The following SHISA9 variants were observed in gnomAD, a reference collection of about 807,000 sequenced individuals.
SHISA9 encodes protein shisa-9.
SHISA9 carries 13 observed loss-of-function variants against 38.0 expected under a neutral mutation model. That is an observed-to-expected ratio of 0.34 (90% CI 0.22 to 0.54). The LOEUF (loss-of-function observed/expected upper bound fraction) is 0.54. Among genes scored for constraint, SHISA9 ranks in the 20% least tolerant of loss-of-function variants. SHISA9 has a pLI of 0.91. For synonymous variants in SHISA9, 275 were observed against 242.0 expected (o/e 1.14, Z -1.27); for missense variants, 538 against 575.8 (o/e 0.93, Z 0.67).
At chr16:13,176,812 C>T (rs2050735479) in intron 2 of SHISA9, among the ~76,000 whole-genome samples, 1 of 152,134 alleles carries the variant, frequency 6.6e-6, no homozygotes, top group Non-Finnish European at 1.5e-5. Flanking sequence ...AGATAATGGC[C>T]TTGTAGATCT....
chr16:13,472,218 A>G, the SHISA9 span, among the ~76,000 whole-genome samples: 1 of 152,014 alleles, frequency 6.6e-6, no homozygotes, highest in Non-Finnish European at 1.5e-5. Flanking sequence ...ATTTGCTTTC[A>G]CTACAATTTC....
the SHISA9 span, among the ~76,000 whole-genome samples, chr16:13,387,631 A>C: frequency 3.3e-5 from 5 of 152,068 alleles, no homozygotes; most frequent in East Asian, 9.6e-4. Context: ...CTGGGATTAC[A>C]GGCACGTGCC....
At chr16:13,443,659 G>T in the SHISA9 span, among the ~76,000 whole-genome samples, 1 of 152,100 alleles carries the variant, frequency 6.6e-6, no homozygotes. Flanking sequence ...GTTTATAGGG[G>T]CTCATTTTAA....
chr16:13,015,707 C>A (rs992508868), intron 2 of SHISA9, among the ~76,000 whole-genome samples: 4 of 152,096 alleles, frequency 2.6e-5, no homozygotes, highest in African/African-American at 7.2e-5. Context: ...GTAGATACAC[C>A]GGTTCCCTAC....
chr16:13,504,669 C>A, the SHISA9 span, among the ~76,000 whole-genome samples: 2 of 152,180 alleles, frequency 1.3e-5, no homozygotes, highest in African/African-American at 4.8e-5. Context: ...CTGTTCACAA[C>A]AAATGAACCA....
chr16:12,996,060 C>A (rs1365925180), intron 2 of SHISA9, among the ~76,000 whole-genome samples: 1 of 152,164 alleles, frequency 6.6e-6, no homozygotes, highest in Non-Finnish European at 1.5e-5. Flanking sequence ...TTTCTGGATC[C>A]AGGACACAAA....
intron 1 of SHISA9, chr16:12,909,671 C>T: frequency 2.2e-6 from 2 of 919,600 alleles, no homozygotes; most frequent in Non-Finnish European, 2.6e-6. Flanking sequence ...AGAAGCCGTC[C>T]CTGACCAGGC....
intron 2 of SHISA9, 145 bp downstream of exon 2, chr16:12,916,960 A>T: frequency 2.1e-6 from 2 of 943,646 alleles, no homozygotes. Context: ...TTTTGGATGA[A>T]GCTGAATTTA....
chr16:13,358,674 C>T, the SHISA9 span, among the ~76,000 whole-genome samples: 2 of 152,266 alleles, frequency 1.3e-5, no homozygotes, highest in Middle Eastern at 3.4e-3. Context: ...TTCAACCAAC[C>T]AGTGAAAGGC....
chr16:13,430,011 T>C, the SHISA9 span, among the ~76,000 whole-genome samples: 1 of 152,314 alleles, frequency 6.6e-6, no homozygotes, highest in Admixed American at 6.5e-5. Flanking sequence ...ACAACGTGAT[T>C]AATATCCTTG....
intron 4 of SHISA9, among the ~76,000 whole-genome samples, chr16:13,217,171 G>C (rs890157458): frequency 1.2e-4 from 18 of 151,818 alleles, no homozygotes; most frequent in Admixed American, 7.9e-4. Context: ...CCAGCTACTC[G>C]GGAGGCTGAG....
At chr16:13,213,370 A>G in intron 4 of SHISA9, 70 bp downstream of exon 4, 2 of 1,413,132 alleles carry the variant, frequency 1.4e-6, no homozygotes, top group Non-Finnish European at 2.0e-6. Context: ...ATGAAGGGAT[A>G]GAGAGTCCTG....
the SHISA9 span, among the ~76,000 whole-genome samples, chr16:13,305,112 G>A: frequency 6.6e-6 from 1 of 152,082 alleles, no homozygotes; most frequent in Non-Finnish European, 1.5e-5. Context: ...TTGGGGATGG[G>A]GCCTACGTCT....
the SHISA9 span, among the ~76,000 whole-genome samples, chr16:13,560,187 T>G: frequency 6.6e-6 from 1 of 152,210 alleles, no homozygotes; most frequent in Non-Finnish European, 1.5e-5. Flanking sequence ...TAGCAAACTG[T>G]GTACAGGAGT....
chr16:12,901,886 G>C lies in SHISA9; in HGVS notation c.-179G>C, dbSNP rs1412398686. 2 of 248,384 alleles carry C rather than the reference G, an allele frequency of 8.1e-6. No individual in the cohort carries two copies. The highest frequency in any genetic ancestry group is 1.8e-4 in the South Asian group (1 of 5,676). The allele number at this position is 248,384 out of a possible 1,614,324, so 15.4% of individuals were successfully genotyped here. A position where few individuals can be genotyped will look rare whatever the true frequency, so the allele number is the denominator to read the frequency against. ...GGCGAACGCGGGCTGAGGCGAACGC[G>C]GGCTGAGCCGAGCGCAGTGGCCGCC... is the stretch of plus-strand genomic sequence containing the variant. On this transcript the variant is annotated 5_prime_UTR_variant, in exon 1 of 5. Transcript: ENST00000558583.
chr16:13,110,495 T>G (rs537884497), intron 2 of SHISA9, among the ~76,000 whole-genome samples: 111 of 152,322 alleles, frequency 7.3e-4, no homozygotes, highest in South Asian at 1.0e-3. Context: ...GCTCCCTGTT[T>G]CTCTGGGACA....
In SHISA9 at chr16:12,954,232, G is replaced by C. The variant is rs193162728; in HGVS notation, c.691+37417G>C. ...GCCTGTGCAAAGGCGTAGAGATGTGGTGTGCCCAGGGAAGTAGAAGTGTCT... is the reference window on the plus strand; with the variant it reads ...GCCTGTGCAAAGGCGTAGAGATGTGCTGTGCCCAGGGAAGTAGAAGTGTCT... On this transcript the variant is annotated intron_variant, in intron 2 of 4. Transcript: ENST00000558583. Among the ~76,000 whole-genome samples the C allele has an allele frequency of 3.9e-5, 6 of 152,352 alleles. No homozygotes were observed. The East Asian group carries it at 1.2e-3, about 29-fold the overall frequency.
chr16:13,113,709 T>G (rs2074002156), intron 2 of SHISA9, among the ~76,000 whole-genome samples: 1 of 152,174 alleles, frequency 6.6e-6, no homozygotes, highest in Non-Finnish European at 1.5e-5. Context: ...TCCTGAAAAT[T>G]ACTGGCCTCA....
intron 2 of SHISA9, among the ~76,000 whole-genome samples, chr16:13,031,748 C>T (rs1014717602): frequency 6.6e-6 from 1 of 152,150 alleles, no homozygotes. Flanking sequence ...TGTTACAGTA[C>T]TTGTTCTGAA....
Sources: gnomAD v4.1 joint callset for allele counts (sites outside exome capture counted in the v4.1 genomes callset) on GRCh38, gnomAD v4.1.1 for gene constraint, MANE v1.5 for transcripts, NCBI Gene and HGNC (gene_info 2026-07-23, HGNC 2026-07-21) for gene names.